Variants in PTPRN2 observed in about 807,000 individuals in gnomAD.
The protein encoded by PTPRN2 is receptor-type tyrosine-protein phosphatase N2.
Under a neutral mutation model 118.8 loss-of-function variants are expected in PTPRN2, and 74 were observed. The observed-to-expected ratio is 0.62, with a 90% CI of 0.52 to 0.76. The LOEUF is 0.76. Ranked by LOEUF, PTPRN2 falls within the 30% of genes least tolerant of loss-of-function variation. PTPRN2 has a pLI of 0.00. For synonymous variants in PTPRN2, 641 were observed against 608.0 expected, an observed-to-expected ratio of 1.05 and a Z score of -0.80; for missense variants, 1,481 against 1,394.4, an observed-to-expected ratio of 1.06 and a Z score of -0.99.
At chr7:157,766,608 A>T (rs995734422) in intron 12 of PTPRN2, among the ~76,000 whole-genome samples, 1 of 152,212 alleles carries the variant, frequency 6.6e-6, no homozygotes, top group African/African-American at 2.4e-5. Flanking sequence ...GTGTGTTTGG[A>T]TGACTTGGGT....
chr7:158,125,348 G>A (rs1185947627), intron 9 of PTPRN2, among the ~76,000 whole-genome samples: 11 of 137,396 alleles, frequency 8.0e-5, no homozygotes, highest in South Asian at 4.9e-4. Flanking sequence ...TCCCACAGCC[G>A]CCCCCTGCCT....
At chr7:157,773,267 T>G (rs980188026) in intron 12 of PTPRN2, among the ~76,000 whole-genome samples, 3 of 152,222 alleles carry the variant, frequency 2.0e-5, no homozygotes, top group African/African-American at 7.2e-5. Flanking sequence ...AGCTGAGGTT[T>G]AGCTCTACGC....
chr7:158,195,610 T>C (rs1347878529), intron 4 of PTPRN2, among the ~76,000 whole-genome samples: 2 of 127,286 alleles, frequency 1.6e-5, no homozygotes, highest in Non-Finnish European at 3.2e-5. Flanking sequence ...CATAGCTCAC[T>C]GGTGTTTTTT....
chr7:158,011,117 G>C (rs920779785), intron 11 of PTPRN2, among the ~76,000 whole-genome samples: 1 of 152,264 alleles, frequency 6.6e-6, no homozygotes, highest in Admixed American at 6.5e-5. Flanking sequence ...AGATGACAGA[G>C]TGGTCTCTGC....
At chr7:158,053,057 C>T (rs1018450099) in intron 11 of PTPRN2, among the ~76,000 whole-genome samples, 2 of 152,218 alleles carry the variant, frequency 1.3e-5, no homozygotes, top group Non-Finnish European at 2.9e-5. Context: ...ACCCAGTGGG[C>T]ACAACCCCCA....
At chr7:158,261,290 G>C (rs902964340) in intron 3 of PTPRN2, among the ~76,000 whole-genome samples, 89 of 152,100 alleles carry the variant, frequency 5.9e-4, no homozygotes, top group African/African-American at 2.1e-3. Flanking sequence ...GGGAGCACCA[G>C]GCCACATGGA....
chr7:158,238,227 G>T (rs1585935008), intron 3 of PTPRN2, among the ~76,000 whole-genome samples: 1 of 152,072 alleles, frequency 6.6e-6, no homozygotes, highest in South Asian at 2.1e-4. Flanking sequence ...GCTCAGCTCT[G>T]GGGGGCATCC....
chr7:157,568,819 C>T, intron 21 of PTPRN2, 83 bp downstream of exon 21: 1 of 1,423,134 alleles, frequency 7.0e-7, no homozygotes. Flanking sequence ...TCCAGGGCCT[C>T]CCGTGAACAC....
intron 11 of PTPRN2, among the ~76,000 whole-genome samples, chr7:157,914,944 C>G (rs1287419486): frequency 6.6e-6 from 1 of 152,146 alleles, no homozygotes; most frequent in Non-Finnish European, 1.5e-5. Flanking sequence ...TGCTATTAAA[C>G]TCATACCCTT....
intron 2 of PTPRN2, among the ~76,000 whole-genome samples, chr7:158,404,903 C>T (rs1813276109): frequency 7.1e-5 from 10 of 141,314 alleles, no homozygotes; most frequent in Non-Finnish European, 1.4e-4. Flanking sequence ...CCTCAGCTCC[C>T]CGGCCCCAGC....
intron 2 of PTPRN2, among the ~76,000 whole-genome samples, chr7:158,435,192 G>A (rs563169057): frequency 7.2e-5 from 11 of 152,228 alleles, no homozygotes; most frequent in South Asian, 6.2e-4. Context: ...CTTGCAAATC[G>A]TATAACTTTT....
At chr7:157,917,592 T>C (rs1039186987) in intron 11 of PTPRN2, among the ~76,000 whole-genome samples, 8 of 152,244 alleles carry the variant, frequency 5.3e-5, no homozygotes, top group African/African-American at 1.9e-4. Flanking sequence ...TAATTAGATA[T>C]TGTTTCAATC....
chr7:157,772,217 A>AATGT (rs1802892786), intron 12 of PTPRN2, among the ~76,000 whole-genome samples: 1 of 151,744 alleles, frequency 6.6e-6, no homozygotes, highest in Non-Finnish European at 1.5e-5. Context: ...AGACACACAT[A>AATGT]GACACAGACA....
intron 15 of PTPRN2, among the ~76,000 whole-genome samples, chr7:157,621,125 C>T (rs1292058623): frequency 0.14 from 11,299 of 83,448 alleles, 1,072 homozygotes; most frequent in Non-Finnish European, 0.19. Context: ...CAGTTTCCCC[C>T]TCCTGTAACC....
At chr7:157,679,681 C>T (rs1249992708) in intron 13 of PTPRN2, among the ~76,000 whole-genome samples, 1 of 152,158 alleles carries the variant, frequency 6.6e-6, no homozygotes, top group Non-Finnish European at 1.5e-5. Flanking sequence ...TGGTCCCAAG[C>T]CCAGGCTCTG....
At chr7:158,200,054 G>A (rs1826513601) in intron 4 of PTPRN2, among the ~76,000 whole-genome samples, 1 of 151,436 alleles carries the variant, frequency 6.6e-6, no homozygotes, top group African/African-American at 2.5e-5. Context: ...CGTATGAGAA[G>A]GCAAACAAGC....
Position 158,580,615 on chromosome 7 carries a change from C to T in PTPRN2, c.112+6943G>A, listed in dbSNP as rs534615836. 1.1e-3 allele frequency among the ~76,000 whole-genome samples: 166 copies of T among 152,322 alleles called. 2 individuals carry two copies. Among genetic ancestry groups the T allele is most frequent in the South Asian group, 2.1e-3 (10 of 4,822 alleles). ...ACCAACCCCCTGCCTGCTTGCCACT[C>T]TAAACATCAAACCTAAACAGAACCT... On this transcript the variant is annotated intron_variant, in intron 1 of 22. Transcript: ENST00000389418.
At chr7:158,398,837 C>CATGGAGA (rs1812726926) in intron 2 of PTPRN2, among the ~76,000 whole-genome samples, 1 of 152,206 alleles carries the variant, frequency 6.6e-6, no homozygotes, top group East Asian at 1.9e-4. Context: ...TCACTGTTTC[C>CATGGAGA]AAGCTTACTT....
chr7:158,523,483 G>A (rs899566881), intron 1 of PTPRN2, among the ~76,000 whole-genome samples: 26 of 123,610 alleles, frequency 2.1e-4, no homozygotes, highest in Non-Finnish European at 4.3e-4. Context: ...CCTCTGCCCT[G>A]GAGTGGAGTC....
Sources: allele counts gnomAD v4.1 joint callset (sites outside exome capture counted in the v4.1 genomes callset), GRCh38; gene constraint gnomAD v4.1.1; transcripts MANE v1.5; gene names NCBI Gene and HGNC (gene_info 2026-07-23, HGNC 2026-07-21).